PRKG1: variants seen among roughly 807,000 people sequenced by gnomAD.
The protein encoded by PRKG1 is protein kinase cGMP-dependent 1, also known as cGMP-dependent protein kinase 1.
A neutral mutation model predicts 88.1 loss-of-function variants in PRKG1; 35 were observed. The observed-to-expected ratio is 0.40, with a 90% confidence interval of 0.30 to 0.53. The LOEUF (loss-of-function observed/expected upper bound fraction) is 0.53. Among genes scored for constraint, PRKG1 ranks in the 20% least tolerant of loss-of-function variants. The probability of loss-of-function intolerance (pLI) is 0.59; values close to 1 mark genes in which losing one functional copy is unlikely to be tolerated. For missense variants in PRKG1, 540 were observed against 839.8 expected, an observed-to-expected ratio of 0.64 and a Z score of 4.41; for synonymous variants, 303 against 292.5, an observed-to-expected ratio of 1.04 and a Z score of -0.37.
chr10:51,150,763 C>T lies in PRKG1; in HGVS notation c.312-2401C>T, dbSNP rs200770445. ...AAACAAAAACATCCTGAAATCCCGT[C>T]CTTCCCATCCCACACTCTACATTCA... On this transcript the variant is annotated intron_variant, in intron 1 of 17. Coordinates refer to ENST00000373980, the MANE Select transcript of PRKG1 (RefSeq NM_006258.4). 3.3e-5 allele frequency among the ~76,000 whole-genome samples: 5 copies of T among 152,064 alleles called. No individual in the cohort carries two copies. In the East Asian group the frequency reaches 9.6e-4, roughly 29 times the overall value.
At chr10:51,651,940 G>A (rs1185296274) in intron 3 of PRKG1, among the ~76,000 whole-genome samples, 2 of 152,078 alleles carry the variant, frequency 1.3e-5, no homozygotes, top group Non-Finnish European at 1.5e-5. Context: ...CAACAACTTT[G>A]TGTCCTGTAA....
rs573942626 is a variant in PRKG1, at chr10:52,144,366, C to T, written c.1001+10461C>T. Among the ~76,000 whole-genome samples the T allele has an allele frequency of 2.6e-5, 4 of 152,206 alleles. No individual in the cohort carries two copies. In the South Asian group the frequency reaches 8.3e-4, roughly 32 times the overall value. On this transcript the variant is annotated intron_variant, in intron 8 of 17. Transcript: ENST00000373980. Reference sequence around the variant, plus strand: ...ATTTATTTTGGGGGCAATAAGAAACCAACAGAGAACCATTGGAACTGTATT... The same window carrying T: ...ATTTATTTTGGGGGCAATAAGAAACTAACAGAGAACCATTGGAACTGTATT...
chr10:51,520,017 A>G (rs1241146791), intron 3 of PRKG1, among the ~76,000 whole-genome samples: 1 of 152,052 alleles, frequency 6.6e-6, no homozygotes, highest in African/African-American at 2.4e-5. Context: ...TTTATAGATG[A>G]TTTAGTTGAT....
chr10:51,578,898 G>A (rs1032632902), intron 3 of PRKG1, among the ~76,000 whole-genome samples: 1 of 145,290 alleles, frequency 6.9e-6, no homozygotes, highest in African/African-American at 2.6e-5. Flanking sequence ...AATCAGTTTT[G>A]TGTTGTGAAC....
intron 3 of PRKG1, among the ~76,000 whole-genome samples, chr10:51,598,497 A>C (rs1283648353): frequency 6.6e-6 from 1 of 152,198 alleles, no homozygotes; most frequent in Non-Finnish European, 1.5e-5. Flanking sequence ...TGGTCAAGTG[A>C]TCCATCTGCC....
intron 3 of PRKG1, among the ~76,000 whole-genome samples, chr10:51,712,167 T>C (rs1279388301): frequency 1.3e-5 from 2 of 152,216 alleles, no homozygotes; most frequent in African/African-American, 4.8e-5. Context: ...CAAAAGTTTG[T>C]GATCTAACCA....
At chr10:51,137,734 T>A (rs1845722954) in intron 1 of PRKG1, among the ~76,000 whole-genome samples, 1 of 152,102 alleles carries the variant, frequency 6.6e-6, no homozygotes, top group Non-Finnish European at 1.5e-5. Flanking sequence ...GGGGGTTGAT[T>A]TACGGTAGAT....
chr10:51,336,107 C>T (rs987672896), intron 2 of PRKG1, among the ~76,000 whole-genome samples: 12 of 152,114 alleles, frequency 7.9e-5, no homozygotes, highest in African/African-American at 2.9e-4. Context: ...AATCCCAACA[C>T]TTTGGGAGGC....
intron 3 of PRKG1, among the ~76,000 whole-genome samples, chr10:51,653,083 A>G (rs957385224): frequency 6.6e-6 from 1 of 152,200 alleles, no homozygotes; most frequent in African/African-American, 2.4e-5. Flanking sequence ...CATAGTGTGT[A>G]TATATACATT....
chr10:51,255,902 A>G (rs1564657475), intron 2 of PRKG1, among the ~76,000 whole-genome samples: 1 of 152,098 alleles, frequency 6.6e-6, no homozygotes, highest in Non-Finnish European at 1.5e-5. Context: ...TCTGTAGATA[A>G]TCATCCGTCA....
At chr10:51,882,119 C>T (rs16924492) in intron 4 of PRKG1, among the ~76,000 whole-genome samples, 1,918 of 152,270 alleles carry the variant, frequency 0.013, 50 homozygotes, top group African/African-American at 0.044. Flanking sequence ...CATTGTTAAT[C>T]CACTCCTTGA....
intron 1 of PRKG1, among the ~76,000 whole-genome samples, chr10:51,140,117 C>G (rs2131953402): frequency 6.6e-6 from 1 of 152,316 alleles, no homozygotes; most frequent in Non-Finnish European, 1.5e-5. Context: ...TGGGGTGGCT[C>G]ACTGATCCTT....
upstream of PRKG1, among the ~76,000 whole-genome samples, chr10:51,072,217 CAA>C (rs34173184): frequency 2.6e-5 from 4 of 151,284 alleles, no homozygotes; most frequent in East Asian, 2.0e-4. Flanking sequence ...CACAAACAAA[CAA>C]AAAAAAAACA....
intron 7 of PRKG1, among the ~76,000 whole-genome samples, chr10:52,105,669 T>TA (rs1193016584): frequency 6.6e-6 from 1 of 152,174 alleles, no homozygotes; most frequent in Non-Finnish European, 1.5e-5. Context: ...GCAGGTTCGT[T>TA]ACGTAAGTAA....
At chr10:51,466,430 G>C (rs1406153719) in intron 2 of PRKG1, among the ~76,000 whole-genome samples, 2 of 151,942 alleles carry the variant, frequency 1.3e-5, no homozygotes, top group African/African-American at 2.4e-5. Context: ...ATAATGAGGA[G>C]ATTTTTATGG....
intron 1 of PRKG1, among the ~76,000 whole-genome samples, chr10:51,064,139 G>A (rs1400321030): frequency 6.6e-5 from 10 of 151,972 alleles, no homozygotes; most frequent in African/African-American, 2.4e-4. Context: ...ATATAGAAAG[G>A]CATATCATAT....
intron 2 of PRKG1, among the ~76,000 whole-genome samples, chr10:51,273,102 G>C (rs1047454481): frequency 3.3e-5 from 5 of 152,098 alleles, no homozygotes; most frequent in African/African-American, 1.2e-4. Flanking sequence ...CTGCATCACT[G>C]GGCATGGAGT....
chr10:51,019,882 T>C (rs755120070), intron 1 of PRKG1, among the ~76,000 whole-genome samples: 1 of 151,832 alleles, frequency 6.6e-6, no homozygotes, highest in Non-Finnish European at 1.5e-5. Context: ...AAATGACCAA[T>C]AAGCATATAA....
intron 1 of PRKG1, among the ~76,000 whole-genome samples, chr10:51,082,541 T>C (rs1844138995): frequency 6.6e-6 from 1 of 152,178 alleles, no homozygotes; most frequent in Non-Finnish European, 1.5e-5. Context: ...CTTTAACGTG[T>C]AGCAAAATTT....
Sources: gnomAD v4.1 joint callset for allele counts (sites outside exome capture counted in the v4.1 genomes callset) on GRCh38, gnomAD v4.1.1 for gene constraint, MANE v1.5 for transcripts, NCBI Gene and HGNC (gene_info 2026-07-23, HGNC 2026-07-21) for gene names.